The following SH3TC2 variants were observed in gnomAD, a reference collection of about 807,000 sequenced individuals.
The protein encoded by SH3TC2 is SH3 domain and tetratricopeptide repeat-containing protein 2.
A neutral mutation model predicts 124.5 loss-of-function variants in SH3TC2; 87 were observed. That is an observed-to-expected ratio of 0.70 (90% CI 0.59 to 0.84). The LOEUF (loss-of-function observed/expected upper bound fraction) is 0.84, where lower values mean the gene tolerates loss of function less well. Ranked by LOEUF, SH3TC2 falls within the 40% of genes least tolerant of loss-of-function variation. The pLI is 0.00. For synonymous variants in SH3TC2, 634 were observed against 628.5 expected (o/e 1.01, Z -0.13); for missense variants, 1,536 against 1,566.4 (o/e 0.98, Z 0.33).
rs2127400913 is a variant in SH3TC2, at chr5:149,042,610, C to T, written c.529+84G>A. Reference sequence around the variant, plus strand: ...TATTCCATGTTTGAATGATTTTTCCCTCCCTTTGCATCCTGCTTATTTCAT... The same window carrying T: ...TATTCCATGTTTGAATGATTTTTCCTTCCCTTTGCATCCTGCTTATTTCAT... On this transcript the variant is annotated intron_variant, in intron 5 of 16. Transcript: ENST00000515425. 3 of 1,555,738 alleles carry T rather than the reference C, an allele frequency of 1.9e-6. No homozygotes were observed. In the East Asian group the frequency reaches 6.7e-5, roughly 35 times the overall value.
rs1251971518 is a variant in SH3TC2, at chr5:148,987,600, G to A, written c.*17111C>T. Among the ~76,000 whole-genome samples, 1 of 152,184 alleles carries A rather than the reference G, an allele frequency of 6.6e-6. No homozygotes were observed. Among genetic ancestry groups the A allele is most frequent in the Non-Finnish European group, 1.5e-5 (1 of 68,034 alleles). On this transcript the variant is annotated 3_prime_UTR_variant, in exon 17 of 17. Coordinates refer to ENST00000515425, the MANE Select transcript of SH3TC2 (RefSeq NM_024577.4). ...GTTTCTCACCTATAGCATTTTCAAA[G>A]AGTCTCACTATATATAAACACTGAA...
In SH3TC2 at chr5:149,047,881, T is replaced by G. The variant is rs200560355; in HGVS notation, c.260A>C (p.Glu87Ala). 2 of 1,614,130 alleles carry G rather than the reference T, an allele frequency of 1.2e-6. No homozygotes were observed. The highest frequency in any genetic ancestry group is 1.7e-6 in the Non-Finnish European group (2 of 1,179,990). The part of the protein sequence containing the change: ...RLWALENEDQ[E>A]VRMLFKDLSA... The stretch of plus-strand genomic sequence containing the variant: ...GCTCACCTTAAACAGCATGCGCACC[T>G]CCTGGTCCTCATTCTCCAGTGCCCA... The change falls in exon 3 of 17, where the codon GAG (glutamate) becomes GCG (alanine). Residue 87 changes from glutamate (E) to alanine (A), a missense_variant. By Grantham distance (107) the Glu-to-Ala change is moderately radical. Around this residue, in one of 3 missense-constraint regions of SH3TC2, gnomAD observed 1,102 missense variants for 1,098.6 expected, o/e 1.00. Transcript: ENST00000515425.
intron 12 of SH3TC2, 56 bp from the exon 13 acceptor site, chr5:149,012,790 A>T (rs1753806460): frequency 6.3e-7 from 1 of 1,597,928 alleles, no homozygotes; most frequent in Non-Finnish European, 8.6e-7. Context: ...CTTAGGGTCC[A>T]CTCAGCACAG....
intron 5 of SH3TC2, among the ~76,000 whole-genome samples, chr5:149,042,329 G>A (rs960063203): frequency 2.0e-5 from 3 of 152,266 alleles, no homozygotes; most frequent in Middle Eastern, 3.4e-3. Context: ...TATCACGTTT[G>A]GAAAAGGGTT....
chr5:148,996,190 G>T lies in SH3TC2; in HGVS notation c.*8521C>A, dbSNP rs886060152. Among the ~76,000 whole-genome samples, 9 of 152,040 alleles carry T rather than the reference G, an allele frequency of 5.9e-5. No individual in the cohort carries two copies. The highest frequency in any genetic ancestry group is 7.4e-5 in the Non-Finnish European group (5 of 68,012). On this transcript the variant is annotated 3_prime_UTR_variant, in exon 17 of 17. Transcript: ENST00000515425. The stretch of plus-strand genomic sequence containing the variant: ...TCACCCAAGCACCTGAGTCTAGAAG[G>T]TCGAGGTAGCAGTGAACCATGGCCA...
chr5:148,998,325 T>C lies in SH3TC2; in HGVS notation c.*6386A>G, dbSNP rs1383473424. On this transcript the variant is annotated 3_prime_UTR_variant, in exon 17 of 17. Coordinates refer to ENST00000515425, the MANE Select transcript of SH3TC2 (RefSeq NM_024577.4). Reference sequence around the variant, plus strand: ...AACTATTAATATTAAATACGTTCTTTACCAATGATACACTATTTAGGAAGA... The same window carrying C: ...AACTATTAATATTAAATACGTTCTTCACCAATGATACACTATTTAGGAAGA... Among the ~76,000 whole-genome samples the C allele has an allele frequency of 6.6e-6, 1 of 152,220 alleles. No individual in the cohort carries two copies. Among genetic ancestry groups the C allele is most frequent in the African/African-American group, 2.4e-5 (1 of 41,446 alleles).
chr5:148,998,035 G>A lies in SH3TC2; in HGVS notation c.*6676C>T, dbSNP rs569283548. On this transcript the variant is annotated 3_prime_UTR_variant, in exon 17 of 17. Coordinates refer to ENST00000515425, the MANE Select transcript of SH3TC2 (RefSeq NM_024577.4). Reference sequence around the variant, plus strand: ...GCACTTTTTTAGAGACCACCCTCCAGGTCAGCACTTTTCAAACTACAGGTT... The same window carrying A: ...GCACTTTTTTAGAGACCACCCTCCAAGTCAGCACTTTTCAAACTACAGGTT... Among the ~76,000 whole-genome samples the A allele has an allele frequency of 2.8e-4, 43 of 152,240 alleles. No individual in the cohort carries two copies. Among genetic ancestry groups the A allele is most frequent in the African/African-American group, 9.6e-4 (40 of 41,542 alleles).
At chr5:149,061,416 C>T (rs1257870513) in intron 1 of SH3TC2, among the ~76,000 whole-genome samples, 2 of 151,930 alleles carry the variant, frequency 1.3e-5, no homozygotes, top group East Asian at 1.9e-4. Context: ...AAATGGAGGC[C>T]CAGGGAGAGC....
At chr5:149,030,986 G>A (rs933229935) in intron 9 of SH3TC2, among the ~76,000 whole-genome samples, 1 of 152,178 alleles carries the variant, frequency 6.6e-6, no homozygotes, top group Non-Finnish European at 1.5e-5. Flanking sequence ...CACAATTGTT[G>A]AGATCTGATC....
chr5:149,007,276 A>T, intron 15 of SH3TC2, 199 bp from the exon 16 acceptor site: 1 of 658,676 alleles, frequency 1.5e-6, no homozygotes, highest in Non-Finnish European at 2.7e-6. Flanking sequence ...ATAATCCCAC[A>T]AACAAATGTA....
intron 16 of SH3TC2, 126 bp downstream of exon 16, chr5:149,006,755 C>A: frequency 2.1e-6 from 2 of 972,982 alleles, no homozygotes; most frequent in East Asian, 2.4e-5. Context: ...CCCTATGAGA[C>A]AAGACTTCTC....
intron 12 of SH3TC2, among the ~76,000 whole-genome samples, chr5:149,017,651 T>C (rs1753898416): frequency 6.6e-6 from 1 of 152,294 alleles, no homozygotes; most frequent in African/African-American, 2.4e-5. Flanking sequence ...CTAGTACCAG[T>C]GAAACCAAGT....
chr5:149,033,481 A>C (rs1192132113), intron 8 of SH3TC2, among the ~76,000 whole-genome samples: 1 of 152,206 alleles, frequency 6.6e-6, no homozygotes, highest in Non-Finnish European at 1.5e-5. Context: ...AACCAAACCC[A>C]GATTGGCAGG....
chr5:149,054,168 A>C (rs959675438), intron 1 of SH3TC2, among the ~76,000 whole-genome samples: 3 of 152,196 alleles, frequency 2.0e-5, no homozygotes, highest in Admixed American at 2.0e-4. Context: ...AAATATATAC[A>C]CCTAATATGT....
In SH3TC2 at chr5:148,985,778, T is replaced by G. The variant is rs1189096423; in HGVS notation, c.*18933A>C. 6.6e-6 allele frequency among the ~76,000 whole-genome samples: 1 copy of G among 152,186 alleles called. No homozygotes were observed. The highest frequency in any genetic ancestry group is 6.5e-5 in the Admixed American group (1 of 15,270). On this transcript the variant is annotated 3_prime_UTR_variant, in exon 17 of 17. Coordinates refer to ENST00000515425, the MANE Select transcript of SH3TC2 (RefSeq NM_024577.4). ...TGTATGTTTAATTTATAAGAAACTA[T>G]CAAAGCATTTTCCAAAACAGCTGTT...
At chr5:149,043,092 A>G (rs988023091) in intron 4 of SH3TC2, among the ~76,000 whole-genome samples, 2 of 152,236 alleles carry the variant, frequency 1.3e-5, no homozygotes, top group Non-Finnish European at 2.9e-5. Context: ...GTGAGTTTCC[A>G]TAAATGCATA....
In SH3TC2 at chr5:148,992,864, C is replaced by T. The variant is rs1388413980; in HGVS notation, c.*11847G>A. On this transcript the variant is annotated 3_prime_UTR_variant, in exon 17 of 17. Coordinates refer to ENST00000515425, the MANE Select transcript of SH3TC2 (RefSeq NM_024577.4). Reference sequence around the variant, plus strand: ...AAACTGCTGGGTATAACATGCACAGCTCATAGGGTTTGGGTATGGCTTGGA... The same window carrying T: ...AAACTGCTGGGTATAACATGCACAGTTCATAGGGTTTGGGTATGGCTTGGA... Among the ~76,000 whole-genome samples, 1 of 152,138 alleles carries T rather than the reference C, an allele frequency of 6.6e-6. No homozygotes were observed. Among genetic ancestry groups the T allele is most frequent in the African/African-American group, 2.4e-5 (1 of 41,428 alleles).
chr5:148,993,987 A>ATGTT lies in SH3TC2; in HGVS notation c.*10723_*10724insAACA, dbSNP rs1200134605. ...ATCCCATGAGATAAGTACTATTATCATCTCCATTTGCCAATGATAAACATG... is the reference window on the plus strand; with the variant it reads ...ATCCCATGAGATAAGTACTATTATCATGTTTCTCCATTTGCCAATGATAAACATG... On this transcript the variant is annotated 3_prime_UTR_variant, in exon 17 of 17. Coordinates refer to ENST00000515425, the MANE Select transcript of SH3TC2 (RefSeq NM_024577.4). 6.6e-6 allele frequency among the ~76,000 whole-genome samples: 1 copy of ATGTT among 152,232 alleles called. No individual in the cohort carries two copies. The highest frequency in any genetic ancestry group is 2.4e-5 in the African/African-American group (1 of 41,460).
intron 8 of SH3TC2, among the ~76,000 whole-genome samples, chr5:149,032,214 TG>T (rs756086168): frequency 6.6e-5 from 10 of 152,176 alleles, no homozygotes; most frequent in Non-Finnish European, 1.3e-4. Context: ...TCTGATTCCA[TG>T]GCATAGAACA....
Sources: gnomAD v4.1 joint callset for allele counts (sites outside exome capture counted in the v4.1 genomes callset) on GRCh38, gnomAD v4.1.1 for gene constraint, gnomAD v4.1.1 regional missense constraint, MANE v1.5 for transcripts, NCBI Gene and HGNC (gene_info 2026-07-23, HGNC 2026-07-21) for gene names.